Variants in CNTN3 observed in about 807,000 individuals in gnomAD.
CNTN3 encodes contactin 3, also known as contactin-3.
CNTN3 carries 60 observed loss-of-function variants against 119.1 expected under a neutral mutation model. The observed-to-expected ratio is 0.50, with a 90% CI of 0.41 to 0.62. CNTN3 has a LOEUF of 0.62. Among genes scored for constraint, CNTN3 ranks in the 20% least tolerant of loss-of-function variants. The pLI, the probability that CNTN3 is intolerant of heterozygous loss-of-function variation, is 0.00. For synonymous variants in CNTN3, 450 were observed against 438.7 expected, an observed-to-expected ratio of 1.03 and a Z score of -0.32; for missense variants, 1,101 against 1,242.4, an observed-to-expected ratio of 0.89 and a Z score of 1.71.
At chr3:74,449,853 A>G (rs1003365831) in intron 4 of CNTN3, among the ~76,000 whole-genome samples, 14 of 152,162 alleles carry the variant, frequency 9.2e-5, no homozygotes, top group African/African-American at 3.4e-4. Flanking sequence ...ATTCACAGGA[A>G]TATTGTGGGA....
chr3:74,286,520 T>G (rs184577658), intron 19 of CNTN3, among the ~76,000 whole-genome samples: 24 of 152,122 alleles, frequency 1.6e-4, no homozygotes, highest in South Asian at 4.2e-4. Context: ...AGGGAACTAA[T>G]TAACCCAGAA....
At chr3:74,393,961 CAA>C (rs1348785269) in intron 5 of CNTN3, among the ~76,000 whole-genome samples, 3 of 152,154 alleles carry the variant, frequency 2.0e-5, no homozygotes, top group African/African-American at 7.2e-5. Context: ...ATAAAAATCT[CAA>C]TAACAAAAAG....
chr3:74,313,045 C>T (rs1019654779), intron 13 of CNTN3, among the ~76,000 whole-genome samples: 9 of 147,504 alleles, frequency 6.1e-5, no homozygotes, highest in Admixed American at 2.0e-4. Flanking sequence ...ATATAAGGAA[C>T]GACTTGGATT....
At position 74,334,716 on chromosome 3, in the gene CNTN3, G is replaced by A; in HGVS notation, c.1668+19C>T. 1 of 1,607,158 alleles carries A rather than the reference G, an allele frequency of 6.2e-7. No homozygotes were observed. Among genetic ancestry groups the A allele is most frequent in the Non-Finnish European group, 8.5e-7 (1 of 1,175,330 alleles). ...GACACATGCAATATAAAAAGTATGA[G>A]GAAAGTGCCACAACTTACCCCACCA... On this transcript the variant is annotated intron_variant, in intron 13 of 22. Coordinates refer to ENST00000263665, the MANE Select transcript of CNTN3 (RefSeq NM_020872.3).
At chr3:74,408,469 T>C (rs901284215) in intron 5 of CNTN3, among the ~76,000 whole-genome samples, 3 of 152,140 alleles carry the variant, frequency 2.0e-5, no homozygotes, top group Non-Finnish European at 4.4e-5. Flanking sequence ...AGTGCATGTG[T>C]TAATTCTTTT....
intron 1 of CNTN3, among the ~76,000 whole-genome samples, chr3:74,592,616 G>T (rs1174548388): frequency 6.6e-6 from 1 of 151,856 alleles, no homozygotes; most frequent in Non-Finnish European, 1.5e-5. Context: ...AGAGTGATAT[G>T]CTGAGTCACT....
intron 13 of CNTN3, among the ~76,000 whole-genome samples, chr3:74,332,058 C>T (rs1301059126): frequency 2.0e-5 from 3 of 152,198 alleles, no homozygotes; most frequent in South Asian, 2.1e-4. Flanking sequence ...TACCCCTAAC[C>T]TATTTTTAAA....
intron 17 of CNTN3, 139 bp from the exon 18 acceptor site, chr3:74,298,330 G>T: frequency 2.1e-6 from 1 of 485,152 alleles, no homozygotes. Context: ...CATGAAAAAA[G>T]GAGAAAAACA....
At chr3:74,450,534 T>A (rs140408530) in intron 4 of CNTN3, among the ~76,000 whole-genome samples, 4,657 of 151,562 alleles carry the variant, frequency 0.031, 235 homozygotes, top group African/African-American at 0.11. Context: ...TATTATACTT[T>A]AAGTTTTAGG....
At chr3:74,294,677 T>A (rs1702299916) in intron 19 of CNTN3, among the ~76,000 whole-genome samples, 1 of 151,966 alleles carries the variant, frequency 6.6e-6, no homozygotes, top group Non-Finnish European at 1.5e-5. Context: ...AACAGAGAGG[T>A]CTTTGAAGGC....
At chr3:74,312,659 G>A (rs1191424387) in intron 13 of CNTN3, among the ~76,000 whole-genome samples, 2 of 151,888 alleles carry the variant, frequency 1.3e-5, no homozygotes, top group Non-Finnish European at 2.9e-5. Context: ...AGACGACTGA[G>A]ACCTACTCAT....
intron 20 of CNTN3, among the ~76,000 whole-genome samples, chr3:74,282,479 CAT>C (rs1559679423): frequency 6.6e-6 from 1 of 152,202 alleles, no homozygotes; most frequent in Non-Finnish European, 1.5e-5. Flanking sequence ...ATCCATTCAA[CAT>C]TTAATATGCT....
At chr3:74,569,181 A>G (rs1704272948) in intron 1 of CNTN3, among the ~76,000 whole-genome samples, 1 of 152,124 alleles carries the variant, frequency 6.6e-6, no homozygotes, top group Admixed American at 6.5e-5. Flanking sequence ...AAAGACTCAT[A>G]TCTGTTACCT....
chr3:74,584,568 A>C (rs1296877572), intron 1 of CNTN3, among the ~76,000 whole-genome samples: 3 of 152,092 alleles, frequency 2.0e-5, no homozygotes, highest in Non-Finnish European at 4.4e-5. Flanking sequence ...AGATGCCAGC[A>C]CCATGCTTCT....
rs1032900833 is a variant in CNTN3 at position 74,548,671 on chromosome 3, T to G, written c.-80-27479A>C. Among the ~76,000 whole-genome samples the G allele has an allele frequency of 5.3e-5, 8 of 150,790 alleles. No homozygotes were observed. In the Admixed American group the frequency reaches 5.3e-4, roughly 10 times the overall value. On this transcript the variant is annotated intron_variant, in intron 1 of 22. Coordinates refer to ENST00000263665, the MANE Select transcript of CNTN3 (RefSeq NM_020872.3). ...GTGGAACAATACATAATGAAACCATTATTTTTTTCATCAACATTATAATTG... is the reference window on the plus strand; with the variant it reads ...GTGGAACAATACATAATGAAACCATGATTTTTTTCATCAACATTATAATTG...
At chr3:74,600,758 CA>C (rs1704896642) in intron 1 of CNTN3, among the ~76,000 whole-genome samples, 5 of 152,046 alleles carry the variant, frequency 3.3e-5, no homozygotes, top group Admixed American at 2.6e-4. Flanking sequence ...GCCGCTAAAA[CA>C]CACTCTCAAA....
chr3:74,319,290 A>G (rs1212339597), intron 13 of CNTN3, among the ~76,000 whole-genome samples: 1 of 152,190 alleles, frequency 6.6e-6, no homozygotes. Context: ...AGTAACCAAA[A>G]CAGCATGCTA....
intron 14 of CNTN3, 110 bp from the exon 15 acceptor site, chr3:74,301,915 C>T (rs1176917915): frequency 8.2e-7 from 1 of 1,222,418 alleles, no homozygotes; most frequent in Admixed American, 2.2e-5. Context: ...TGACTTTTCC[C>T]AATTTCAGAA....
chr3:74,518,178 C>CAGCTTACA (rs1399658111), intron 2 of CNTN3, among the ~76,000 whole-genome samples: 1 of 151,926 alleles, frequency 6.6e-6, no homozygotes, highest in Non-Finnish European at 1.5e-5. Flanking sequence ...AGTCACCATG[C>CAGCTTACA]AGCTTACAAA....
Sources: allele counts gnomAD v4.1 joint callset (sites outside exome capture counted in the v4.1 genomes callset), GRCh38; gene constraint gnomAD v4.1.1; transcripts MANE v1.5; gene names NCBI Gene and HGNC (gene_info 2026-07-23, HGNC 2026-07-21).